The following ROS1 variants were observed in gnomAD, a reference collection of about 807,000 sequenced individuals.
ROS1 encodes ROS proto-oncogene 1, receptor tyrosine kinase, also known as proto-oncogene tyrosine-protein kinase ROS.
Under a neutral mutation model 273.5 loss-of-function variants are expected in ROS1, and 263 were observed. The ratio of observed to expected loss-of-function variants is 0.96; its 90% CI spans 0.87 to 1.06. ROS1 has a LOEUF of 1.06. ROS1 is among the 50% of genes least tolerant of loss of function. ROS1 has a pLI of 0.00. For synonymous variants in ROS1, 1,008 were observed against 954.1 expected, an observed-to-expected ratio of 1.06 and a Z score of -1.04; for missense variants, 2,833 against 2,751.1, an observed-to-expected ratio of 1.03 and a Z score of -0.67.
chr6:117,339,288 C>A, intron 31 of ROS1, among the ~76,000 whole-genome samples: 1 of 152,070 alleles, frequency 6.6e-6, no homozygotes, highest in East Asian at 1.9e-4. Context: ...TTCAGTATGG[C>A]CCAGGGAAGA....
Position 117,409,627 on chromosome 6 carries a change from C to A in ROS1, c.271G>T (p.Val91Phe). Residue 91 changes from valine (V) to phenylalanine (F), a missense_variant, in exon 5 of 44, where the codon GTT (valine) becomes TTT (phenylalanine). Coordinates refer to ENST00000368507, the MANE Select transcript of ROS1 (RefSeq NM_001378902.1). ...GCACCTTCCGCGCTGCTACAGCCAA[C>A]CTCACACGACTCCCGCTGTGGAAGA... The part of the protein sequence containing the change: ...ATVCERESCE[V>F]GCSSAEGAYE... The A allele has an allele frequency of 6.2e-7, 1 of 1,613,940 alleles. No individual in the cohort carries two copies.
intron 42 of ROS1, among the ~76,000 whole-genome samples, chr6:117,304,176 C>A (rs407724): frequency 6.6e-6 from 1 of 151,984 alleles, no homozygotes; most frequent in African/African-American, 2.4e-5. Context: ...CAAAAGACAA[C>A]CTAATCTTTT....
At chr6:117,367,626 T>C (rs59289287) in intron 18 of ROS1, among the ~76,000 whole-genome samples, 1 of 152,300 alleles carries the variant, frequency 6.6e-6, no homozygotes, top group African/African-American at 2.4e-5. Flanking sequence ...TTAATGAATT[T>C]GCAATGTAGG....
intron 13 of ROS1, 128 bp from the exon 14 acceptor site, chr6:117,388,120 C>A (rs2128701776): frequency 1.5e-6 from 2 of 1,363,450 alleles, no homozygotes; most frequent in Non-Finnish European, 2.0e-6. Flanking sequence ...ATATCCGCTA[C>A]CCCGATAATC....
At chr6:117,418,600 G>A in intron 1 of ROS1, 94 bp from the exon 2 acceptor site, 1 of 813,346 alleles carries the variant, frequency 1.2e-6, no homozygotes, top group East Asian at 3.0e-5. Flanking sequence ...AAATAACGTT[G>A]CCTCCTCCGC....
intron 32 of ROS1, among the ~76,000 whole-genome samples, chr6:117,336,380 T>C (rs1777466203): frequency 6.6e-6 from 1 of 150,962 alleles, no homozygotes; most frequent in Non-Finnish European, 1.5e-5. Flanking sequence ...TGTCCATGCG[T>C]TCTCATTGTT....
At chr6:117,336,926 G>A (rs1422204714) in intron 32 of ROS1, among the ~76,000 whole-genome samples, 2 of 152,194 alleles carry the variant, frequency 1.3e-5, no homozygotes, top group Non-Finnish European at 2.9e-5. Context: ...AGCTAGACAT[G>A]AAATAAGGAT....
intron 18 of ROS1, 102 bp downstream of exon 18, chr6:117,378,957 C>T: frequency 2.8e-6 from 2 of 720,482 alleles, no homozygotes; most frequent in Admixed American, 2.6e-5. Flanking sequence ...CAGTGGATAA[C>T]CAGAAAATGT....
At position 117,315,080 on chromosome 6, in the gene ROS1, G is replaced by T. The variant is rs143705556; in HGVS notation, c.6117+2063C>A. ...AAGATGAGTAAAATTTTGCATCTAT[G>T]AACAAAACCAGAATATTATTTTAAA... On this transcript the variant is annotated intron_variant, in intron 39 of 43. Transcript: ENST00000368507. Among the ~76,000 whole-genome samples, 290 of 152,094 alleles carry T rather than the reference G, an allele frequency of 1.9e-3. 5 individuals carry two copies. The highest frequency in any genetic ancestry group is 0.016 in the Admixed American group (251 of 15,262).
At chr6:117,399,274 C>G (rs1008702056) in intron 7 of ROS1, among the ~76,000 whole-genome samples, 1 of 152,138 alleles carries the variant, frequency 6.6e-6, no homozygotes, top group Non-Finnish European at 1.5e-5. Context: ...TCTGTAGCAC[C>G]GGAAAATGTC....
chr6:117,416,147 G>A (rs1775315427), intron 3 of ROS1, 111 bp downstream of exon 3: 2 of 706,688 alleles, frequency 2.8e-6, no homozygotes, highest in African/African-American at 1.8e-5. Flanking sequence ...TTTGTCTTAG[G>A]GTCAAGCAAA....
chr6:117,307,047 CTG>C (rs1350218408), intron 42 of ROS1, among the ~76,000 whole-genome samples: 1 of 152,062 alleles, frequency 6.6e-6, no homozygotes, highest in East Asian at 1.9e-4. Context: ...CAAGATAAAA[CTG>C]TATAGAATAT....
At chr6:117,351,412 T>C (rs969827668) in intron 27 of ROS1, among the ~76,000 whole-genome samples, 6 of 151,806 alleles carry the variant, frequency 4.0e-5, no homozygotes, top group African/African-American at 1.5e-4. Context: ...AAATTTTTCC[T>C]TTTCCCTTCT....
At chr6:117,390,094 C>CT (rs983948871) in intron 12 of ROS1, among the ~76,000 whole-genome samples, 14 of 152,196 alleles carry the variant, frequency 9.2e-5, no homozygotes, top group African/African-American at 2.9e-4. Flanking sequence ...TTATAAGTGA[C>CT]TTTTTAAGGA....
chr6:117,324,439 A>G, intron 34 of ROS1, 24 bp from the exon 35 acceptor site: 1 of 1,134,246 alleles, frequency 8.8e-7, no homozygotes, highest in Admixed American at 2.0e-5. Context: ...TCAGAAAAAG[A>G]AATTAATTCA....
rs565815438 is a variant in ROS1, at chr6:117,362,596, C to T, written c.3366+7G>A. On this transcript the variant is annotated splice_region_variant and intron_variant, in intron 22 of 43. Coordinates refer to ENST00000368507, the MANE Select transcript of ROS1 (RefSeq NM_001378902.1). Reference sequence around the variant, plus strand: ...GACTCTCATATCTTCTGTTTTCTCTCTCATACCTGGAAGGCAATAAAGCAT... The same window carrying T: ...GACTCTCATATCTTCTGTTTTCTCTTTCATACCTGGAAGGCAATAAAGCAT... The T allele has an allele frequency of 2.1e-4, 332 of 1,610,690 alleles. 6 individuals are homozygous for T. The South Asian group carries it at 3.3e-3, about 16-fold the overall frequency.
intron 4 of ROS1, among the ~76,000 whole-genome samples, chr6:117,410,984 T>C (rs1307977772): frequency 6.6e-6 from 1 of 152,124 alleles, no homozygotes; most frequent in African/African-American, 2.4e-5. Context: ...ACAGCAAAAT[T>C]ATTATATAAC....
At chr6:117,333,213 A>G (rs539554948) in intron 32 of ROS1, among the ~76,000 whole-genome samples, 1 of 152,330 alleles carries the variant, frequency 6.6e-6, no homozygotes, top group East Asian at 1.9e-4. Flanking sequence ...AGATAATACT[A>G]TAAACTCTTC....
chr6:117,324,809 G>A (rs1240175763), intron 34 of ROS1, among the ~76,000 whole-genome samples: 4 of 151,922 alleles, frequency 2.6e-5, no homozygotes, highest in Non-Finnish European at 1.5e-5. Context: ...ATTAAACTGA[G>A]GAATAAACAT....
Sources: allele counts gnomAD v4.1 joint callset (sites outside exome capture counted in the v4.1 genomes callset), GRCh38; gene constraint gnomAD v4.1.1; transcripts MANE v1.5; gene names NCBI Gene and HGNC (gene_info 2026-07-23, HGNC 2026-07-21).